Variants in ARFGEF1 observed in about 807,000 individuals in gnomAD.
ARFGEF1 encodes ARF guanine nucleotide exchange factor 1.
A neutral mutation model predicts 231.0 loss-of-function variants in ARFGEF1; 42 were observed. The observed-to-expected ratio is 0.18, with a 90% CI of 0.14 to 0.24. ARFGEF1 has a LOEUF of 0.24. ARFGEF1 is among the 10% of genes least tolerant of loss of function. The pLI, the probability that ARFGEF1 is intolerant of heterozygous loss-of-function variation, is 1.00. For synonymous variants in ARFGEF1, 710 were observed against 732.3 expected (o/e 0.97, Z 0.49); for missense variants, 1,345 against 2,192.0 (o/e 0.61, Z 7.72).
chr8:67,305,791 T>G, intron 1 of ARFGEF1, among the ~76,000 whole-genome samples: 1 of 152,234 alleles, frequency 6.6e-6, no homozygotes, highest in Non-Finnish European at 1.5e-5. Flanking sequence ...AGGGGATATA[T>G]TCCAAGACCT....
intron 1 of ARFGEF1, among the ~76,000 whole-genome samples, chr8:67,313,258 T>C (rs549980867): frequency 1.4e-4 from 21 of 152,302 alleles, no homozygotes; most frequent in African/African-American, 5.1e-4. Context: ...AGCTTAAGAA[T>C]TAACCTCCTG....
intron 23 of ARFGEF1, among the ~76,000 whole-genome samples, chr8:67,229,305 T>C (rs1839479718): frequency 6.6e-6 from 1 of 152,106 alleles, no homozygotes; most frequent in Admixed American, 6.6e-5. Flanking sequence ...ACCACTTTTC[T>C]ATACTGCCTC....
At position 67,253,570 on chromosome 8, in the gene ARFGEF1, T is replaced by C. The variant is rs201654906; in HGVS notation, c.2579A>G (p.Asn860Ser). Residue 860 changes from asparagine to serine, a missense_variant, in exon 18 of 39, where the codon AAT becomes AGT. Transcript: ENST00000262215. ...EQYIKMNRGI[N>S]DSKDLPEEYL... ...CTCTTCAGGAAGGTCTTTACTGTCA[T>C]TGATACCTCTATTCATCTTAATGTA... 5 of 1,581,862 alleles carry C rather than the reference T, an allele frequency of 3.2e-6. No individual in the cohort carries two copies. Among genetic ancestry groups the C allele is most frequent in the African/African-American group, 1.3e-5 (1 of 74,258 alleles).
In ARFGEF1 at chr8:67,267,446, T is replaced by G. The variant is rs1165922107; in HGVS notation, c.1573-4A>C. On this transcript the variant is annotated splice_region_variant and splice_polypyrimidine_tract_variant and intron_variant, in intron 10 of 38. Transcript: ENST00000262215. Reference sequence around the variant, plus strand: ...AGAAAATTTCTTTAAAGAACACCTGTGATTAGGAGAAAACTTCTGTTTAAA... The same window carrying G: ...AGAAAATTTCTTTAAAGAACACCTGGGATTAGGAGAAAACTTCTGTTTAAA... 3.9e-6 allele frequency: 6 copies of G among 1,540,932 alleles called. No homozygotes were observed. Among genetic ancestry groups the G allele is most frequent in the Admixed American group, 1.7e-5 (1 of 57,410 alleles).
At chr8:67,280,992 G>A (rs1805510795) in intron 7 of ARFGEF1, among the ~76,000 whole-genome samples, 1 of 151,676 alleles carries the variant, frequency 6.6e-6, no homozygotes, top group East Asian at 1.9e-4. Context: ...GCGAAGGAAT[G>A]TTGCAATAAT....
intron 1 of ARFGEF1, among the ~76,000 whole-genome samples, chr8:67,329,251 A>C (rs946162391): frequency 1.3e-5 from 2 of 151,840 alleles, no homozygotes; most frequent in Non-Finnish European, 1.5e-5. Flanking sequence ...CAAACAATTC[A>C]GGATAAAAAT....
chr8:67,328,389 C>A (rs1000002304), intron 1 of ARFGEF1, among the ~76,000 whole-genome samples: 7 of 152,154 alleles, frequency 4.6e-5, no homozygotes, highest in Non-Finnish European at 2.9e-5. Flanking sequence ...AGTCTTTTTA[C>A]ATCGAGTATT....
chr8:67,320,093 G>A (rs951916730), intron 1 of ARFGEF1, among the ~76,000 whole-genome samples: 56 of 151,510 alleles, frequency 3.7e-4, no homozygotes, highest in African/African-American at 9.7e-5. Context: ...TGGTGTGGCC[G>A]GTGCCTATAA....
At chr8:67,295,124 A>T (rs1806174169) in intron 5 of ARFGEF1, among the ~76,000 whole-genome samples, 1 of 152,172 alleles carries the variant, frequency 6.6e-6, no homozygotes, top group Admixed American at 6.5e-5. Context: ...ATAAATAAAT[A>T]AATTAAGGGA....
At chr8:67,218,299 A>G (rs1839026790) in intron 30 of ARFGEF1, among the ~76,000 whole-genome samples, 161 bp from the exon 31 acceptor site, 2 of 148,190 alleles carry the variant, frequency 1.3e-5, no homozygotes, top group South Asian at 4.3e-4. Context: ...TTCCCTCTAG[A>G]ACGTTATATT....
chr8:67,339,732 A>T (rs1808516529), intron 1 of ARFGEF1, among the ~76,000 whole-genome samples: 1 of 120,802 alleles, frequency 8.3e-6, no homozygotes, highest in South Asian at 2.7e-4. Context: ...AAAAGAGGGC[A>T]ACCTGGAGCT....
At chr8:67,186,838 T>C (rs1834735061) in intron 5 of ARFGEF1, among the ~76,000 whole-genome samples, 1 of 152,186 alleles carries the variant, frequency 6.6e-6, no homozygotes, top group African/African-American at 2.4e-5. Flanking sequence ...GGATACAAGA[T>C]GAATATATAA....
intron 7 of ARFGEF1, among the ~76,000 whole-genome samples, chr8:67,286,647 T>G (rs1292674976): frequency 6.6e-6 from 1 of 152,240 alleles, no homozygotes. Flanking sequence ...ATTATATGTT[T>G]AAAGAATGCA....
At chr8:67,259,106 C>A (rs1038407385) in intron 15 of ARFGEF1, among the ~76,000 whole-genome samples, 2 of 152,082 alleles carry the variant, frequency 1.3e-5, no homozygotes, top group South Asian at 4.2e-4. Context: ...ATGCAATTAC[C>A]CATTATTTCC....
chr8:67,325,948 C>A (rs1807813193), intron 1 of ARFGEF1, among the ~76,000 whole-genome samples: 1 of 152,278 alleles, frequency 6.6e-6, no homozygotes, highest in Admixed American at 6.5e-5. Flanking sequence ...TTTGGAATCC[C>A]AAAGGGATTA....
At chr8:67,299,104 C>T (rs1806365953) in intron 4 of ARFGEF1, 105 bp downstream of exon 4, 8 of 1,115,870 alleles carry the variant, frequency 7.2e-6, no homozygotes, top group Non-Finnish European at 9.9e-6. Flanking sequence ...TGTATTATAG[C>T]TGGAATGCAC....
downstream of ARFGEF1, chr8:67,193,676 C>T: frequency 7.5e-7 from 1 of 1,327,074 alleles, no homozygotes; most frequent in East Asian, 2.4e-5. Context: ...AAGGCTTTCA[C>T]TAACGTCTGA....
chr8:67,338,688 A>T (rs1808458767), intron 1 of ARFGEF1, among the ~76,000 whole-genome samples: 1 of 152,256 alleles, frequency 6.6e-6, no homozygotes. Context: ...GTGAAAGAAA[A>T]GAACAAATAC....
chr8:67,338,318 T>A (rs1808443273), intron 1 of ARFGEF1, among the ~76,000 whole-genome samples: 1 of 151,896 alleles, frequency 6.6e-6, no homozygotes, highest in Admixed American at 6.6e-5. Flanking sequence ...TCACCAGTAG[T>A]TAGGGTTATT....
Sources: gnomAD v4.1 joint callset for allele counts (sites outside exome capture counted in the v4.1 genomes callset) on GRCh38, gnomAD v4.1.1 for gene constraint, MANE v1.5 for transcripts, NCBI Gene and HGNC (gene_info 2026-07-23, HGNC 2026-07-21) for gene names.